DENND2B: variants seen among roughly 807,000 people sequenced by gnomAD.
DENND2B encodes the protein DENN domain-containing protein 2B.
Under a neutral mutation model 116.0 loss-of-function variants are expected in DENND2B, and 32 were observed. The observed-to-expected ratio is 0.28, with a 90% CI of 0.21 to 0.37. The LOEUF (loss-of-function observed/expected upper bound fraction) is 0.37. Among genes scored for constraint, DENND2B ranks in the 10% least tolerant of loss-of-function variants. The pLI is 1.00. For missense variants in DENND2B, 1,276 were observed against 1,477.7 expected (o/e 0.86, Z 2.24); for synonymous variants, 588 against 583.9 (o/e 1.01, Z -0.10).
chr11:8,770,871 C>T (rs1368029067), intron 1 of DENND2B, among the ~76,000 whole-genome samples: 1 of 152,118 alleles, frequency 6.6e-6, no homozygotes, highest in African/African-American at 2.4e-5. Flanking sequence ...TGCCACTCCA[C>T]GAACGACTCC....
At chr11:8,776,866 A>T (rs977320342) in intron 1 of DENND2B, among the ~76,000 whole-genome samples, 7 of 152,018 alleles carry the variant, frequency 4.6e-5, no homozygotes, top group African/African-American at 7.3e-5. Context: ...AGAGAGAATG[A>T]TCTCCTTAGG....
At chr11:8,708,253 T>C in intron 11 of DENND2B, 1 of 985,494 alleles carries the variant, frequency 1.0e-6, no homozygotes, top group Non-Finnish European at 1.2e-6. Flanking sequence ...CAAGCCATTG[T>C]AGCTTTTTAG....
At chr11:8,766,694 G>A (rs1288667504) in intron 1 of DENND2B, 4 of 1,288,064 alleles carry the variant, frequency 3.1e-6, no homozygotes, top group African/African-American at 3.0e-5. Flanking sequence ...ATTCTTCCTT[G>A]AAGTCATAAT....
intron 1 of DENND2B, among the ~76,000 whole-genome samples, chr11:8,771,148 C>T (rs961136840): frequency 2.6e-5 from 4 of 152,138 alleles, no homozygotes; most frequent in East Asian, 1.9e-4. Flanking sequence ...GCAAGAGCAG[C>T]GGGATGCACA....
At chr11:8,718,558 G>C (rs573222817) in intron 4 of DENND2B, 11 of 1,415,356 alleles carry the variant, frequency 7.8e-6, no homozygotes, top group South Asian at 1.5e-5. Context: ...TCCTACTGTA[G>C]TGTCTATTCC....
Position 8,715,870 on chromosome 11 carries a change from C to T in DENND2B, c.1630-52G>A, listed in dbSNP as rs762394394. On this transcript the variant is annotated intron_variant, in intron 5 of 19. Transcript: ENST00000313726. ...AGGGGCTTGCCACAGAGGCCTTGGC[C>T]AGTGTCTGTCTGCTGGGATGGGGAC... is the stretch of plus-strand genomic sequence containing the variant. 5.3e-6 allele frequency: 8 copies of T among 1,512,590 alleles called. No homozygotes were observed. In the South Asian group the frequency reaches 8.8e-5, roughly 17 times the overall value. 93.7% of individuals were successfully genotyped at this position (1,512,590 alleles called of 1,614,324 possible).
intron 16 of DENND2B, among the ~76,000 whole-genome samples, chr11:8,698,444 G>C (rs2040856204): frequency 6.6e-6 from 1 of 152,220 alleles, no homozygotes; most frequent in Non-Finnish European, 1.5e-5. Context: ...TTTCCATAGG[G>C]GAGAGCACTG....
intron 1 of DENND2B, chr11:8,785,140 T>C (rs1436409775): frequency 6.6e-6 from 1 of 152,136 alleles, no homozygotes; most frequent in Non-Finnish European, 1.5e-5. Flanking sequence ...AGCCATCCTT[T>C]TACTTTTACC....
intron 1 of DENND2B, among the ~76,000 whole-genome samples, chr11:8,795,378 T>C (rs922254305): frequency 2.0e-5 from 3 of 152,202 alleles, no homozygotes; most frequent in Non-Finnish European, 4.4e-5. Context: ...TCTTAAGCAG[T>C]GGTTCTCAAA....
intron 1 of DENND2B, among the ~76,000 whole-genome samples, chr11:8,773,248 A>ACAGC (rs530243299): frequency 3.0e-4 from 45 of 152,042 alleles, no homozygotes; most frequent in Admixed American, 2.9e-3. Flanking sequence ...TCTCCTGCCT[A>ACAGC]CAGCCAGCCA....
At position 8,902,326 on chromosome 11, in the gene DENND2B, A is replaced by T. The variant is rs367841127; in HGVS notation, c.-256+8495T>A. Among the ~76,000 whole-genome samples, 3 of 26,508 alleles carry T rather than the reference A, an allele frequency of 1.1e-4. No individual in the cohort carries two copies. In the Non-Finnish European group the frequency reaches 1.5e-3, roughly 14 times the overall value. The allele number at this position is 26,508 out of a possible 152,430, so 17.4% of individuals were successfully genotyped here. A position where few individuals can be genotyped will look rare whatever the true frequency, so the allele number is the denominator to read the frequency against. On this transcript the variant is annotated intron_variant, in intron 1 of 22. Coordinates refer to the DENND2B transcript ENST00000534127. ...AGGTGACAGAGTGAGACTCCATCTCAAAAAAAAAAAAAAAAGAGTGAGGTG... is the reference window on the plus strand; with the variant it reads ...AGGTGACAGAGTGAGACTCCATCTCTAAAAAAAAAAAAAAAGAGTGAGGTG...
intron 1 of DENND2B, among the ~76,000 whole-genome samples, chr11:8,759,879 A>G (rs1218000642): frequency 6.6e-6 from 1 of 152,164 alleles, no homozygotes; most frequent in African/African-American, 2.4e-5. Context: ...TCAGCAACCA[A>G]TACTGGCCCT....
rs35974143 is a variant in DENND2B at position 8,903,474 on chromosome 11, TAA to T, written c.-256+7345_-256+7346del. On this transcript the variant is annotated intron_variant, in intron 1 of 22. Transcript: ENST00000534127. ...ACTTTAACTAGACTGACCAAGATGT[TAA>T]AAAAAAAAAAAAAAAAGCAAGAGAG... 2.0e-3 allele frequency among the ~76,000 whole-genome samples: 238 copies of T among 116,210 alleles called. 1 individual carries two copies. Among genetic ancestry groups the T allele is most frequent in the South Asian group, 6.6e-3 (24 of 3,622 alleles). The allele number at this position is 116,210 out of a possible 152,430, so 76.2% of individuals were successfully genotyped here. A position where few individuals can be genotyped will look rare whatever the true frequency, so the allele number is the denominator to read the frequency against.
intron 18 of DENND2B, 72 bp from the exon 19 acceptor site, chr11:8,695,621 G>C: frequency 7.6e-7 from 1 of 1,318,192 alleles, no homozygotes; most frequent in South Asian, 1.2e-5. Flanking sequence ...TACATGAAGG[G>C]AACCATGGAG....
intron 1 of DENND2B, among the ~76,000 whole-genome samples, chr11:8,802,976 T>C (rs936006496): frequency 1.3e-5 from 2 of 152,228 alleles, no homozygotes; most frequent in Non-Finnish European, 2.9e-5. Context: ...AAATATTTTT[T>C]AAGCACCAAC....
chr11:8,839,999 G>T (rs1012309076), intron 3 of DENND2B, among the ~76,000 whole-genome samples: 2 of 151,884 alleles, frequency 1.3e-5, no homozygotes, highest in Non-Finnish European at 2.9e-5. Context: ...GAGTTTTGGG[G>T]TTTTTTTTCA....
intron 2 of DENND2B, among the ~76,000 whole-genome samples, chr11:8,748,503 C>T (rs2051717762): frequency 6.6e-6 from 1 of 152,112 alleles, no homozygotes; most frequent in Non-Finnish European, 1.5e-5. Context: ...CCAAAGAAAC[C>T]ACCAGATCAC....
intron 1 of DENND2B, among the ~76,000 whole-genome samples, chr11:8,902,381 G>T (rs913767463): frequency 1.3e-5 from 2 of 151,430 alleles, no homozygotes; most frequent in African/African-American, 4.8e-5. Context: ...CTGTTGAATT[G>T]TCTATTTCTT....
intron 1 of DENND2B, among the ~76,000 whole-genome samples, chr11:8,888,287 T>C (rs1038645749): frequency 6.6e-6 from 1 of 152,178 alleles, no homozygotes; most frequent in Non-Finnish European, 1.5e-5. Context: ...AAAAAGGATC[T>C]TGTCCTTCAA....
Sources: allele counts gnomAD v4.1 joint callset (sites outside exome capture counted in the v4.1 genomes callset), GRCh38; gene constraint gnomAD v4.1.1; transcripts MANE v1.5; gene names NCBI Gene and HGNC (gene_info 2026-07-23, HGNC 2026-07-21).